Variants in GABRR1 observed in about 807,000 individuals in gnomAD.
GABRR1 encodes gamma-aminobutyric acid receptor subunit rho-1.
A neutral mutation model predicts 55.5 loss-of-function variants in GABRR1; 59 were observed. The ratio of observed to expected loss-of-function variants is 1.06; its 90% CI spans 0.86 to 1.32. The LOEUF is 1.32. Ranked by LOEUF, GABRR1 falls within the 40% of genes most tolerant of loss-of-function variation. The pLI is 0.00. For missense variants in GABRR1, 602 were observed against 619.1 expected, an observed-to-expected ratio of 0.97 and a Z score of 0.29; for synonymous variants, 213 against 226.0, an observed-to-expected ratio of 0.94 and a Z score of 0.51.
chr6:89,204,708 G>A (rs1463411107), intron 1 of GABRR1: 7 of 1,252,554 alleles, frequency 5.6e-6, no homozygotes, highest in Non-Finnish European at 6.3e-6. Flanking sequence ...GCCAAGAGAA[G>A]ACGGATGAAT....
At chr6:89,212,827 G>A (rs1029056) in intron 1 of GABRR1, among the ~76,000 whole-genome samples, 1 of 151,386 alleles carries the variant, frequency 6.6e-6, no homozygotes, top group Non-Finnish European at 1.5e-5. Flanking sequence ...CCTCACCGTG[G>A]CCAGCTACAT....
chr6:89,230,574 C>T (rs1286576051), intron 1 of GABRR1, among the ~76,000 whole-genome samples: 8 of 152,178 alleles, frequency 5.3e-5, no homozygotes, highest in African/African-American at 1.4e-4. Context: ...TTAGGCTGCT[C>T]GGGGGTCAGG....
intron 1 of GABRR1, among the ~76,000 whole-genome samples, chr6:89,209,183 T>G (rs1562310265): frequency 6.6e-6 from 1 of 152,186 alleles, no homozygotes; most frequent in Non-Finnish European, 1.5e-5. Context: ...TCATCCCTTT[T>G]TTTTCCTTGT....
intron 5 of GABRR1, among the ~76,000 whole-genome samples, chr6:89,192,344 A>T (rs1772124734): frequency 6.6e-6 from 1 of 152,128 alleles, no homozygotes; most frequent in South Asian, 2.1e-4. Context: ...CCACTATGGC[A>T]AAAACTTCTG....
At position 89,178,016 on chromosome 6, in the gene GABRR1, A is replaced by G. The variant is rs1219326097; in HGVS notation, c.*754T>C. 1 of 152,230 alleles carries G rather than the reference A, an allele frequency of 6.6e-6. No homozygotes were observed. The highest frequency in any genetic ancestry group is 1.5e-5 in the Non-Finnish European group (1 of 68,058). The allele number at this position is 152,230 out of a possible 1,614,324, so 9.4% of individuals were successfully genotyped here. On this transcript the variant is annotated 3_prime_UTR_variant, in exon 10 of 10. Transcript: ENST00000454853. ...GAAGAAGAAACATGAAGTGGTGATT[A>G]TATAAAATAGGGAACATTTAAACAC...
At chr6:89,211,300 T>A (rs1048138307) in intron 1 of GABRR1, among the ~76,000 whole-genome samples, 6 of 152,148 alleles carry the variant, frequency 3.9e-5, no homozygotes, top group African/African-American at 1.4e-4. Context: ...CAGCAACTCC[T>A]CATGCCACAT....
At chr6:89,196,818 AGAAG>A (rs879582522) in intron 5 of GABRR1, among the ~76,000 whole-genome samples, 1 of 106,702 alleles carries the variant, frequency 9.4e-6, no homozygotes, top group African/African-American at 3.6e-5. Flanking sequence ...AAGAAAGAAA[AGAAG>A]GAAAGAAAGA....
intron 1 of GABRR1, among the ~76,000 whole-genome samples, chr6:89,204,304 G>A (rs549638804): frequency 6.6e-6 from 1 of 152,220 alleles, no homozygotes; most frequent in African/African-American, 2.4e-5. Context: ...GTAGAAAATG[G>A]AGCAGAGACA....
chr6:89,224,988 G>A (rs183299675), intron 1 of GABRR1, among the ~76,000 whole-genome samples: 57 of 152,144 alleles, frequency 3.7e-4, no homozygotes, highest in Admixed American at 1.2e-3. Flanking sequence ...TCACCATGTC[G>A]GCCAGGCTAG....
In GABRR1 at chr6:89,186,830, C is replaced by G. The variant is rs191235231; in HGVS notation, c.656-1380G>C. ...GCAATAAGTAGCCACTCCCTTGGTC[C>G]TGGGTTTTATTACACCCTTTCCCCA... On this transcript the variant is annotated intron_variant, in intron 6 of 9. Transcript: ENST00000454853. Among the ~76,000 whole-genome samples, 125 of 152,262 alleles carry G rather than the reference C, an allele frequency of 8.2e-4. 3 individuals are homozygous for G. Among genetic ancestry groups the G allele is most frequent in the Admixed American group, 8.2e-3 (125 of 15,294 alleles).
At position 89,190,932 on chromosome 6, in the gene GABRR1, C is replaced by T. The variant is rs74848099; in HGVS notation, c.573-685G>A. 7.4e-3 allele frequency among the ~76,000 whole-genome samples: 1,124 copies of T among 152,340 alleles called. 15 individuals carry two copies. Among genetic ancestry groups the T allele is most frequent in the African/African-American group, 0.026 (1,085 of 41,588 alleles). On this transcript the variant is annotated intron_variant, in intron 5 of 9. Coordinates refer to ENST00000454853, the MANE Select transcript of GABRR1 (RefSeq NM_002042.5). ...AGCCAAACACATACAGATCATTCTT[C>T]ATAGTGAAAAGCCTCCTATCCAGTG...
intron 1 of GABRR1, among the ~76,000 whole-genome samples, chr6:89,206,168 TTCCTGCCTCTGGTCTTA>T (rs1772635181): frequency 6.6e-6 from 1 of 152,022 alleles, no homozygotes; most frequent in African/African-American, 2.4e-5. Context: ...GCAGCAGGCT[TTCCTGCCTCTGGTCTTA>T]TCCTTCTCTA....
upstream of GABRR1, chr6:89,217,419 A>T (rs1207089153): frequency 7.1e-7 from 1 of 1,404,524 alleles, no homozygotes. Flanking sequence ...TCATTATTAG[A>T]AGGATGTTTA....
At chr6:89,184,769 T>C (rs2127790785) in intron 7 of GABRR1, among the ~76,000 whole-genome samples, 1 of 152,334 alleles carries the variant, frequency 6.6e-6, no homozygotes, top group South Asian at 2.1e-4. Context: ...AAGTTCTTAC[T>C]AATTTTTTTA....
At chr6:89,208,805 G>C (rs1772732765) in intron 1 of GABRR1, among the ~76,000 whole-genome samples, 1 of 152,206 alleles carries the variant, frequency 6.6e-6, no homozygotes, top group Non-Finnish European at 1.5e-5. Context: ...TCTTCCTCTG[G>C]AGACCCCTGA....
Position 89,196,733 on chromosome 6 carries a change from C to T in GABRR1, c.572+1287G>A, listed in dbSNP as rs545997546. ...TTGAGGCTGCAGTAAGCCACGATCA[C>T]GCCAGTGCACTCCAGCCTGGGCAAT... On this transcript the variant is annotated intron_variant, in intron 5 of 9. Transcript: ENST00000454853. 6.0e-5 allele frequency among the ~76,000 whole-genome samples: 9 copies of T among 150,400 alleles called. No individual in the cohort carries two copies. In the South Asian group the frequency reaches 6.3e-4, roughly 11 times the overall value.
rs1345173743 is a variant in GABRR1, at chr6:89,178,763, C to G, written c.*7G>C. ...TGGAAATGTGAAATTTGTAGAATTA[C>G]AAGCATCTAGGAGAAAATAGACCAG... On this transcript the variant is annotated 3_prime_UTR_variant, in exon 10 of 10. Transcript: ENST00000454853. The G allele has an allele frequency of 6.2e-7, 1 of 1,601,300 alleles. No individual in the cohort carries two copies. The highest frequency in any genetic ancestry group is 8.6e-7 in the Non-Finnish European group (1 of 1,168,692).
intron 1 of GABRR1, among the ~76,000 whole-genome samples, chr6:89,204,280 G>A (rs537755219): frequency 4.5e-4 from 69 of 152,346 alleles, no homozygotes; most frequent in African/African-American, 1.6e-3. Flanking sequence ...AGATGCACAA[G>A]GATTATGTCA....
intron 6 of GABRR1, among the ~76,000 whole-genome samples, chr6:89,188,491 C>T (rs1325343657): frequency 6.6e-6 from 1 of 152,180 alleles, no homozygotes; most frequent in Middle Eastern, 3.2e-3. Context: ...TTTTGGTTTG[C>T]ATTTTCCTAA....
Sources: gnomAD v4.1 joint callset for allele counts (sites outside exome capture counted in the v4.1 genomes callset) on GRCh38, gnomAD v4.1.1 for gene constraint, MANE v1.5 for transcripts, NCBI Gene and HGNC (gene_info 2026-07-23, HGNC 2026-07-21) for gene names.